ANO2: variants seen among roughly 807,000 people sequenced by gnomAD.
The protein encoded by ANO2 is anoctamin 2.
ANO2 carries 101 observed loss-of-function variants against 124.2 expected under a neutral mutation model. The observed-to-expected ratio is 0.81, with a 90% confidence interval of 0.69 to 0.96. The LOEUF (loss-of-function observed/expected upper bound fraction) is 0.96. Ranked by LOEUF, ANO2 falls within the 40% of genes least tolerant of loss-of-function variation. ANO2 has a pLI of 0.00. For missense variants in ANO2, 1,293 were observed against 1,274.5 expected (o/e 1.01, Z -0.22); for synonymous variants, 486 against 482.5 (o/e 1.01, Z -0.09).
At chr12:5,852,124 G>A (rs1209197606) in intron 4 of ANO2, among the ~76,000 whole-genome samples, 1 of 152,134 alleles carries the variant, frequency 6.6e-6, no homozygotes, top group Non-Finnish European at 1.5e-5. Flanking sequence ...GCCAAAACAG[G>A]ACCCCACCAG....
chr12:5,606,593 G>A (rs1464390580), intron 19 of ANO2, among the ~76,000 whole-genome samples: 1 of 152,158 alleles, frequency 6.6e-6, no homozygotes, highest in Non-Finnish European at 1.5e-5. Flanking sequence ...AAGCAAGTTG[G>A]TTTGGAGGAA....
rs117616186 is a variant in ANO2 at position 5,663,245 on chromosome 12, C to T, written c.1546-15444G>A. Among the ~76,000 whole-genome samples the T allele has an allele frequency of 1.6e-3, 249 of 152,236 alleles. 5 individuals are homozygous for T. The East Asian group carries it at 0.041, about 25-fold the overall frequency. ...CAGAAGCAAGTCTGTGTCCTTGGCA[C>T]GAGGGGCTTCAGCTGGGCATGGGCC... On this transcript the variant is annotated intron_variant, in intron 14 of 24. Coordinates refer to ENST00000682330, the MANE Select transcript of ANO2 (RefSeq NM_001364791.2).
chr12:5,901,773 T>C (rs893661389), intron 3 of ANO2, among the ~76,000 whole-genome samples: 2 of 152,200 alleles, frequency 1.3e-5, no homozygotes, highest in African/African-American at 4.8e-5. Flanking sequence ...AACTCCTATT[T>C]GCAGATACAC....
intron 14 of ANO2, among the ~76,000 whole-genome samples, chr12:5,672,324 A>G (rs1948049068): frequency 6.6e-6 from 1 of 152,236 alleles, no homozygotes; most frequent in Admixed American, 6.5e-5. Context: ...TCTGTTTACA[A>G]GGCATGCTGA....
At chr12:5,909,651 G>A (rs891114790) in intron 3 of ANO2, among the ~76,000 whole-genome samples, 2 of 152,220 alleles carry the variant, frequency 1.3e-5, no homozygotes, top group Admixed American at 1.3e-4. Context: ...CACACGGAGA[G>A]GCAGCTGCAC....
intron 1 of ANO2, among the ~76,000 whole-genome samples, 197 bp downstream of exon 1, chr12:5,944,999 A>G (rs1943040041): frequency 6.6e-6 from 1 of 152,088 alleles, no homozygotes; most frequent in African/African-American, 2.4e-5. Flanking sequence ...CAAAAAACAA[A>G]AAACGTCTCG....
At chr12:5,887,791 C>T (rs1263791959) in intron 3 of ANO2, among the ~76,000 whole-genome samples, 2 of 151,800 alleles carry the variant, frequency 1.3e-5, no homozygotes, top group African/African-American at 4.8e-5. Flanking sequence ...GTGCCCCTCA[C>T]ATAAGCTCTA....
At chr12:5,916,482 CGCA>C (rs1392371934) in intron 3 of ANO2, among the ~76,000 whole-genome samples, 2 of 82,300 alleles carry the variant, frequency 2.4e-5, no homozygotes, top group African/African-American at 8.1e-5. Flanking sequence ...ATAGAAAAAT[CGCA>C]GCAGGTTAAA....
At chr12:5,563,617 G>T in intron 24 of ANO2, 49 bp from the exon 25 acceptor site, 1 of 1,601,274 alleles carries the variant, frequency 6.2e-7, no homozygotes, top group South Asian at 1.1e-5. Context: ...GCCCGGCCTG[G>T]GGAGGTGGCG....
At chr12:5,567,784 C>T (rs1253379194) in intron 23 of ANO2, among the ~76,000 whole-genome samples, 1 of 152,208 alleles carries the variant, frequency 6.6e-6, no homozygotes, top group Admixed American at 6.5e-5. Context: ...TTAAGTTTAA[C>T]AAGCATATCC....
At chr12:5,632,669 A>G (rs1259417792) in intron 16 of ANO2, among the ~76,000 whole-genome samples, 2 of 152,186 alleles carry the variant, frequency 1.3e-5, no homozygotes, top group African/African-American at 2.4e-5. Context: ...GGCTTCAAAC[A>G]GAAGAGTTAA....
intron 20 of ANO2, among the ~76,000 whole-genome samples, chr12:5,585,266 G>T: frequency 6.6e-6 from 1 of 152,036 alleles, no homozygotes; most frequent in East Asian, 1.9e-4. Flanking sequence ...AAGAAATAAG[G>T]ACAATATGTG....
chr12:5,846,448 G>A (rs905917182), intron 4 of ANO2, among the ~76,000 whole-genome samples: 1 of 152,170 alleles, frequency 6.6e-6, no homozygotes, highest in Non-Finnish European at 1.5e-5. Flanking sequence ...TACAGAGAAA[G>A]CCAACAAGCC....
chr12:5,806,838 T>C (rs1472994936), intron 8 of ANO2, among the ~76,000 whole-genome samples: 1 of 152,212 alleles, frequency 6.6e-6, no homozygotes, highest in Non-Finnish European at 1.5e-5. Flanking sequence ...TGTACCTGCA[T>C]GTTAAGGAGG....
In ANO2 at chr12:5,569,325, C is replaced by T. The variant is rs1004690296; in HGVS notation, c.2622-3662G>A. 3.3e-4 allele frequency among the ~76,000 whole-genome samples: 49 copies of T among 150,754 alleles called. 1 individual carries two copies. The highest frequency in any genetic ancestry group is 1.2e-3 in the African/African-American group (49 of 41,010). On this transcript the variant is annotated intron_variant, in intron 23 of 24. Transcript: ENST00000682330. ...AGTTCCCCAGCACTGGGTGAGCCCC[C>T]ACAACTGGTCAGACTCCTGCAGCTG...
In ANO2 at chr12:5,908,120, C is replaced by T. The variant is rs1940819871; in HGVS notation, c.534+12920G>A. Among the ~76,000 whole-genome samples, 1 of 152,270 alleles carries T rather than the reference C, an allele frequency of 6.6e-6. No homozygotes were observed. The highest frequency in any genetic ancestry group is 2.1e-4 in the South Asian group (1 of 4,838). On this transcript the variant is annotated intron_variant, in intron 3 of 24. Transcript: ENST00000682330. The surrounding 1 kb of genome is among the most constrained non-coding windows in gnomAD (Gnocchi z 4.7). ...AGCTCCGAGGACCCTGGGGCTTCCA[C>T]TCTGAAGCCTTTGGGGGTTCCCGTG...
intron 3 of ANO2, among the ~76,000 whole-genome samples, chr12:5,870,012 G>A (rs558805856): frequency 4.3e-4 from 65 of 152,250 alleles, no homozygotes; most frequent in Non-Finnish European, 5.7e-4. Flanking sequence ...CAAGAATACT[G>A]TCACTCTCAC....
chr12:5,848,472 T>C (rs771291843), intron 4 of ANO2, among the ~76,000 whole-genome samples: 28 of 152,252 alleles, frequency 1.8e-4, no homozygotes, highest in Non-Finnish European at 3.5e-4. Context: ...ATGAATCAAG[T>C]AACCCCAGGT....
At chr12:5,732,351 C>T (rs565527925) in intron 14 of ANO2, among the ~76,000 whole-genome samples, 169 bp downstream of exon 14, 2 of 152,268 alleles carry the variant, frequency 1.3e-5, no homozygotes, top group African/African-American at 4.8e-5. Context: ...AGCCCATTGC[C>T]CATGATCTCT....
Sources: gnomAD v4.1 joint callset for allele counts (sites outside exome capture counted in the v4.1 genomes callset) on GRCh38, gnomAD v4.1.1 for gene constraint, Gnocchi (gnomAD v3.1) non-coding constraint, MANE v1.5 for transcripts, NCBI Gene and HGNC (gene_info 2026-07-23, HGNC 2026-07-21) for gene names.